Variants in CNOT4 observed in about 807,000 individuals in gnomAD.
The protein encoded by CNOT4 is CCR4-NOT transcription complex subunit 4.
Under a neutral mutation model 73.8 loss-of-function variants are expected in CNOT4, and 8 were observed. The ratio of observed to expected loss-of-function variants is 0.11; its 90% CI spans 0.06 to 0.20. The LOEUF (loss-of-function observed/expected upper bound fraction) is 0.20. CNOT4 is among the 10% of genes least tolerant of loss of function. The pLI, the probability that CNOT4 is intolerant of heterozygous loss-of-function variation, is 1.00. For missense variants in CNOT4, 564 were observed against 883.4 expected, an observed-to-expected ratio of 0.64 and a Z score of 4.58; for synonymous variants, 293 against 321.1, an observed-to-expected ratio of 0.91 and a Z score of 0.94.
chr7:135,387,396 A>G (rs960893977), intron 10 of CNOT4: 34 of 983,098 alleles, frequency 3.5e-5, no homozygotes, highest in Non-Finnish European at 8.5e-6. Flanking sequence ...AATTTGTCAC[A>G]TTATATCTAA....
At chr7:135,425,020 A>G (rs1241606369) in intron 2 of CNOT4, among the ~76,000 whole-genome samples, 2 of 152,336 alleles carry the variant, frequency 1.3e-5, no homozygotes, top group Non-Finnish European at 2.9e-5. Flanking sequence ...AGCAACTGAC[A>G]CTACCCCAAC....
chr7:135,363,919 G>T lies in CNOT4; in HGVS notation c.1775C>A (p.Thr592Asn), dbSNP rs771843733. The T allele has an allele frequency of 2.6e-5, 42 of 1,598,478 alleles. No homozygotes were observed. The East Asian group carries it at 8.2e-4, about 31-fold the overall frequency. ...CCAACTCAGGCTGTCGGTGGTGGCAGTGTTGGACGTTGGTGCACTGTGGTT... is the reference window on the plus strand; with the variant it reads ...CCAACTCAGGCTGTCGGTGGTGGCATTGTTGGACGTTGGTGCACTGTGGTT... ...NANHSAPTSNTATTDSLSWDS... is the reference protein window; with the variant it reads ...NANHSAPTSNNATTDSLSWDS... Residue 592 changes from threonine (T) to asparagine (N), a missense_variant, in exon 11 of 12, where the codon ACT becomes AAT. Thr to Asn is a moderately conservative substitution (Grantham distance 65, BLOSUM62 0). This residue lies in a region of CNOT4 where 53 missense variants were observed against 75.4 expected (regional missense o/e 0.70). Coordinates refer to ENST00000541284, the MANE Select transcript of CNOT4 (RefSeq NM_001190850.2). The surrounding 1 kb of genome is among the most constrained non-coding windows in gnomAD (Gnocchi z 4.3).
intron 3 of CNOT4, among the ~76,000 whole-genome samples, chr7:135,420,519 G>A (rs1290735683): frequency 6.9e-6 from 1 of 144,182 alleles, no homozygotes; most frequent in Non-Finnish European, 1.5e-5. Flanking sequence ...TGAGGCTGCA[G>A]TGAACCATGA....
chr7:135,442,460 G>A (rs191922442), intron 1 of CNOT4, among the ~76,000 whole-genome samples: 13 of 152,166 alleles, frequency 8.5e-5, no homozygotes, highest in Non-Finnish European at 2.9e-5. Flanking sequence ...TTAGCCGAGC[G>A]TGTTGGTGCA....
intron 8 of CNOT4, among the ~76,000 whole-genome samples, chr7:135,397,694 A>G (rs112820474): frequency 0.035 from 5,351 of 152,214 alleles, 324 homozygotes; most frequent in African/African-American, 0.12. Flanking sequence ...TTTCATAGTA[A>G]ATTCAACTTT....
At chr7:135,496,976 A>T (rs571303694) in intron 1 of CNOT4, among the ~76,000 whole-genome samples, 57 of 146,640 alleles carry the variant, frequency 3.9e-4, no homozygotes, top group Non-Finnish European at 7.0e-4. Flanking sequence ...CTGGATAATT[A>T]TTTTTTTTTT....
At chr7:135,390,186 A>T (rs1305781196) in intron 10 of CNOT4, among the ~76,000 whole-genome samples, 2 of 152,158 alleles carry the variant, frequency 1.3e-5, no homozygotes. Context: ...GAAGAAAGCC[A>T]AGTTAAAGCA....
intron 1 of CNOT4, among the ~76,000 whole-genome samples, chr7:135,479,425 G>GGTCTCGATCTCTTGACCTT (rs1802218432): frequency 6.6e-6 from 1 of 151,270 alleles, no homozygotes; most frequent in Non-Finnish European, 1.5e-5. Flanking sequence ...TGGCTAGGAT[G>GGTCTCGATCTCTTGACCTT]GTCTCGATCT....
intron 3 of CNOT4, among the ~76,000 whole-genome samples, chr7:135,419,688 C>T (rs1798070604): frequency 6.6e-6 from 1 of 152,006 alleles, no homozygotes; most frequent in Non-Finnish European, 1.5e-5. Flanking sequence ...AGATTCATTT[C>T]CTTCAATATA....
intron 1 of CNOT4, among the ~76,000 whole-genome samples, chr7:135,506,862 GAAAAGA>G (rs1464088203): frequency 1.3e-5 from 2 of 150,428 alleles, no homozygotes; most frequent in Non-Finnish European, 3.0e-5. Flanking sequence ...AAAAAGAAAA[GAAAAGA>G]AAAAGAAAGA....
At chr7:135,438,782 A>C (rs992687632) in intron 1 of CNOT4, among the ~76,000 whole-genome samples, 3 of 152,228 alleles carry the variant, frequency 2.0e-5, no homozygotes, top group Non-Finnish European at 4.4e-5. Context: ...ACATAACTAG[A>C]AGACTATTAC....
At chr7:135,464,803 G>A (rs1801117165) in intron 1 of CNOT4, among the ~76,000 whole-genome samples, 1 of 151,688 alleles carries the variant, frequency 6.6e-6, no homozygotes, top group Non-Finnish European at 1.5e-5. Context: ...ATTTAAGTCT[G>A]TCACCATTCT....
intron 1 of CNOT4, among the ~76,000 whole-genome samples, chr7:135,484,983 C>G (rs189789448): frequency 6.6e-6 from 1 of 152,032 alleles, no homozygotes; most frequent in African/African-American, 2.4e-5. Context: ...TGTTCATTGA[C>G]GGGAAAATAT....
chr7:135,499,435 C>T (rs1803814588), intron 1 of CNOT4, among the ~76,000 whole-genome samples: 1 of 152,016 alleles, frequency 6.6e-6, no homozygotes, highest in African/African-American at 2.4e-5. Flanking sequence ...CCAAAGCACC[C>T]CCAAGGCCAC....
At chr7:135,503,980 C>T (rs1804172380) in intron 1 of CNOT4, among the ~76,000 whole-genome samples, 1 of 152,060 alleles carries the variant, frequency 6.6e-6, no homozygotes, top group Non-Finnish European at 1.5e-5. Context: ...GTTGCTACAA[C>T]CAATGTTCAA....
In CNOT4 at chr7:135,449,828, G is replaced by GT. The variant is rs35975371; in HGVS notation, c.-92-11406dup. 2.9e-3 allele frequency among the ~76,000 whole-genome samples: 424 copies of GT among 146,526 alleles called. 2 individuals carry two copies. Among genetic ancestry groups the GT allele is most frequent in the African/African-American group, 8.1e-3 (326 of 40,010 alleles). On this transcript the variant is annotated intron_variant, in intron 1 of 11. Coordinates refer to ENST00000541284, the MANE Select transcript of CNOT4 (RefSeq NM_001190850.2). Reference sequence around the variant, plus strand: ...TTAGTTAGGAATGAGAATATTGTGGGTTTTTTTTTTTTTAACCTCTTCTCT... The same window carrying GT: ...TTAGTTAGGAATGAGAATATTGTGGGTTTTTTTTTTTTTTAACCTCTTCTCT...
At chr7:135,424,012 A>G (rs1798337746) in intron 2 of CNOT4, among the ~76,000 whole-genome samples, 1 of 150,952 alleles carries the variant, frequency 6.6e-6, no homozygotes, top group African/African-American at 2.4e-5. Context: ...CTGTGTTTTA[A>G]AAGCCACCAA....
chr7:135,396,039 A>G (rs1796662983), intron 8 of CNOT4, among the ~76,000 whole-genome samples, 156 bp from the exon 9 acceptor site: 1 of 152,102 alleles, frequency 6.6e-6, no homozygotes, highest in South Asian at 2.1e-4. Flanking sequence ...AAATCAATTA[A>G]ATCATTAACT....
intron 1 of CNOT4, chr7:135,509,519 G>A (rs2129488521): frequency 6.5e-6 from 1 of 152,714 alleles, no homozygotes; most frequent in Non-Finnish European, 1.5e-5. Context: ...CGTCAGACAG[G>A]GAACAGGGGA....
Sources: gnomAD v4.1 joint callset for allele counts (sites outside exome capture counted in the v4.1 genomes callset) on GRCh38, gnomAD v4.1.1 for gene constraint, gnomAD v4.1.1 regional missense constraint, Gnocchi (gnomAD v3.1) non-coding constraint, MANE v1.5 for transcripts, NCBI Gene and HGNC (gene_info 2026-07-23, HGNC 2026-07-21) for gene names.